DLG2: variants seen among roughly 807,000 people sequenced by gnomAD.
DLG2 encodes the protein discs large MAGUK scaffold protein 2, also known as disks large homolog 2.
Under a neutral mutation model 132.5 loss-of-function variants are expected in DLG2, and 45 were observed. The observed-to-expected ratio is 0.34, with a 90% CI of 0.27 to 0.44. The LOEUF (loss-of-function observed/expected upper bound fraction) is 0.44. Among genes scored for constraint, DLG2 ranks in the 20% least tolerant of loss-of-function variants. The pLI, the probability that DLG2 is intolerant of heterozygous loss-of-function variation, is 1.00. For missense variants in DLG2, 1,045 were observed against 1,196.9 expected (o/e 0.87, Z 1.87); for synonymous variants, 424 against 419.6 (o/e 1.01, Z -0.13).
intron 8 of DLG2, among the ~76,000 whole-genome samples, chr11:84,250,537 A>G (rs2097358017): frequency 6.6e-6 from 1 of 152,186 alleles, no homozygotes; most frequent in South Asian, 2.1e-4. Context: ...TTTGATCACT[A>G]TCCTCCACTC....
intron 18 of DLG2, among the ~76,000 whole-genome samples, chr11:83,642,648 A>G (rs996203772): frequency 2.0e-5 from 3 of 152,166 alleles, no homozygotes; most frequent in African/African-American, 7.2e-5. Context: ...ATTTTCTCTG[A>G]TTATCAGACT....
chr11:84,527,390 A>G (rs2099324545), intron 7 of DLG2, among the ~76,000 whole-genome samples: 1 of 152,108 alleles, frequency 6.6e-6, no homozygotes, highest in Non-Finnish European at 1.5e-5. Flanking sequence ...TAGTTTTTTT[A>G]TTGGCTTCTT....
chr11:83,689,953 A>G (rs2080600184), intron 18 of DLG2, among the ~76,000 whole-genome samples: 1 of 136,650 alleles, frequency 7.3e-6, no homozygotes, highest in Non-Finnish European at 1.6e-5. Context: ...TATTATATAT[A>G]TTTATATAAT....
intron 6 of DLG2, among the ~76,000 whole-genome samples, chr11:84,664,659 T>G (rs1163972410): frequency 6.6e-6 from 1 of 152,114 alleles, no homozygotes; most frequent in African/African-American, 2.4e-5. Flanking sequence ...AGTAGGGCAC[T>G]GTGGGCCAAA....
At chr11:84,769,394 C>A (rs1227697332) in intron 6 of DLG2, among the ~76,000 whole-genome samples, 2 of 152,008 alleles carry the variant, frequency 1.3e-5, no homozygotes, top group African/African-American at 2.4e-5. Context: ...AATTTCAGGG[C>A]ACGAAGACTG....
chr11:85,530,492 T>G (rs1190152349), intron 3 of DLG2, among the ~76,000 whole-genome samples: 2 of 151,872 alleles, frequency 1.3e-5, no homozygotes, highest in African/African-American at 4.8e-5. Context: ...AGCTAATTTT[T>G]TTGTATTTTT....
At chr11:83,849,751 T>A (rs2154027694) in intron 16 of DLG2, among the ~76,000 whole-genome samples, 1 of 12,052 alleles carries the variant, frequency 8.3e-5, no homozygotes, top group Admixed American at 5.0e-4. Context: ...TGGAGCTCCT[T>A]TTTTTTTTTT....
chr11:85,151,111 C>T (rs2077220658), intron 5 of DLG2, among the ~76,000 whole-genome samples: 1 of 152,122 alleles, frequency 6.6e-6, no homozygotes, highest in Admixed American at 6.5e-5. Flanking sequence ...GCATTTCCCT[C>T]ATGATTAGTG....
chr11:84,340,163 T>C (rs1178274347), intron 7 of DLG2, among the ~76,000 whole-genome samples: 1 of 152,146 alleles, frequency 6.6e-6, no homozygotes, highest in Non-Finnish European at 1.5e-5. Context: ...AAGGCAATAT[T>C]GAAGAATGCA....
intron 17 of DLG2, among the ~76,000 whole-genome samples, chr11:83,802,738 C>T (rs2044790842): frequency 6.6e-6 from 1 of 151,754 alleles, no homozygotes; most frequent in African/African-American, 2.4e-5. Context: ...TTATCTATTG[C>T]TAAATTAAAG....
intron 21 of DLG2, among the ~76,000 whole-genome samples, chr11:83,491,858 AT>A (rs1276077823): frequency 2.6e-5 from 4 of 152,026 alleles, no homozygotes; most frequent in African/African-American, 7.2e-5. Context: ...CTCCAAAGTT[AT>A]CCCTTCTTCT....
intron 21 of DLG2, among the ~76,000 whole-genome samples, chr11:83,522,587 G>A (rs1277050746): frequency 6.6e-6 from 1 of 151,954 alleles, no homozygotes; most frequent in Non-Finnish European, 1.5e-5. Flanking sequence ...AATACACCAT[G>A]TTCTTTCTTC....
chr11:84,939,553 C>A, intron 6 of DLG2, among the ~76,000 whole-genome samples: 1 of 152,100 alleles, frequency 6.6e-6, no homozygotes, highest in East Asian at 1.9e-4. Flanking sequence ...CACCATCACC[C>A]TTCCCACCAT....
intron 7 of DLG2, among the ~76,000 whole-genome samples, chr11:84,479,798 A>C (rs1313918396): frequency 2.0e-5 from 3 of 152,180 alleles, no homozygotes; most frequent in African/African-American, 7.2e-5. Context: ...CTTAGTTTAA[A>C]GGAAACTACA....
chr11:84,848,270 C>A (rs1199464438), intron 6 of DLG2, among the ~76,000 whole-genome samples: 1 of 151,820 alleles, frequency 6.6e-6, no homozygotes, highest in African/African-American at 2.4e-5. Context: ...GAGGTGGGTG[C>A]ATCACTTGAG....
At chr11:83,525,389 A>G (rs949217131) in intron 21 of DLG2, among the ~76,000 whole-genome samples, 3 of 152,216 alleles carry the variant, frequency 2.0e-5, no homozygotes, top group Non-Finnish European at 4.4e-5. Context: ...ATAACAAGTT[A>G]TAAAGTGTCT....
At chr11:83,487,019 C>G (rs73520676) in intron 21 of DLG2, among the ~76,000 whole-genome samples, 1 of 151,168 alleles carries the variant, frequency 6.6e-6, no homozygotes, top group African/African-American at 2.4e-5. Context: ...ATCTGTTACA[C>G]GAGTGCTAGG....
chr11:83,669,010 T>G (rs2076362330), intron 18 of DLG2, among the ~76,000 whole-genome samples: 1 of 152,100 alleles, frequency 6.6e-6, no homozygotes, highest in Non-Finnish European at 1.5e-5. Flanking sequence ...AAAAATTTCT[T>G]CTTTATTTTA....
chr11:84,818,153 C>T (rs1018778712), intron 6 of DLG2, among the ~76,000 whole-genome samples: 1 of 152,022 alleles, frequency 6.6e-6, no homozygotes, highest in Non-Finnish European at 1.5e-5. Context: ...CTTCAAGGCA[C>T]ACTGCAGAAT....
Sources: gnomAD v4.1 joint callset for allele counts (sites outside exome capture counted in the v4.1 genomes callset) on GRCh38, gnomAD v4.1.1 for gene constraint, MANE v1.5 for transcripts, NCBI Gene and HGNC (gene_info 2026-07-23, HGNC 2026-07-21) for gene names.